The following SRRM4 variants were observed in gnomAD, a reference collection of about 807,000 sequenced individuals.
The protein encoded by SRRM4 is serine/arginine repetitive matrix protein 4.
In SRRM4, 33 loss-of-function variants were observed where a neutral mutation model predicts 68.9. That is an observed-to-expected ratio of 0.48 (90% CI 0.36 to 0.64). SRRM4 has a LOEUF of 0.64. Among genes scored for constraint, SRRM4 ranks in the 30% least tolerant of loss-of-function variants. SRRM4 has a pLI of 0.00. For missense variants in SRRM4, 817 were observed against 827.1 expected (o/e 0.99, Z 0.15); for synonymous variants, 318 against 318.8 (o/e 1.00, Z 0.03).
chr12:119,006,637 G>A (rs1032218705), intron 1 of SRRM4, among the ~76,000 whole-genome samples: 27 of 152,204 alleles, frequency 1.8e-4, no homozygotes, highest in African/African-American at 6.3e-4. Context: ...GGACACGGAG[G>A]ATTGCTGCTT....
chr12:119,120,629 G>T (rs951491580), intron 5 of SRRM4, among the ~76,000 whole-genome samples: 3 of 152,236 alleles, frequency 2.0e-5, no homozygotes, highest in Admixed American at 1.3e-4. Context: ...CAAGGAACAG[G>T]GCCAAGTCCT....
intron 9 of SRRM4, among the ~76,000 whole-genome samples, chr12:119,149,159 C>T (rs2136067624): frequency 6.6e-6 from 1 of 152,262 alleles, no homozygotes; most frequent in East Asian, 1.9e-4. Flanking sequence ...GCCATCCTGG[C>T]CAACATGGTG....
At chr12:118,982,074 A>G (rs1953251334) in intron 1 of SRRM4, 61 bp downstream of exon 1, 13 of 1,544,796 alleles carry the variant, frequency 8.4e-6, no homozygotes, top group African/African-American at 1.4e-5. Flanking sequence ...CCTGTGCCCC[A>G]GAGCCCGGAG....
At chr12:119,089,585 C>A (rs74465282) in intron 1 of SRRM4, among the ~76,000 whole-genome samples, 4,083 of 152,228 alleles carry the variant, frequency 0.027, 137 homozygotes, top group East Asian at 0.094. Flanking sequence ...AGGATGGAGC[C>A]TACGGAATAA....
chr12:119,028,198 C>A (rs1428386464), intron 1 of SRRM4, among the ~76,000 whole-genome samples: 1 of 152,104 alleles, frequency 6.6e-6, no homozygotes, highest in Non-Finnish European at 1.5e-5. Flanking sequence ...AGAGCCAATG[C>A]CTTAAAATAA....
At chr12:119,092,392 A>C (rs143938789) in intron 1 of SRRM4, among the ~76,000 whole-genome samples, 2 of 152,230 alleles carry the variant, frequency 1.3e-5, no homozygotes, top group African/African-American at 4.8e-5. Flanking sequence ...TGTCTAACTG[A>C]CATCTCAAAA....
rs1592887252 is a variant in SRRM4 at position 119,073,372 on chromosome 12, G to GAGTGC, written c.132-28854_132-28850dup. On this transcript the variant is annotated intron_variant, in intron 1 of 12. Transcript: ENST00000267260. ...GAGTCTCACTCTGTTGCCCAGGCTG[G>GAGTGC]AGTGCAGTGCAGTGGCAAGATCATG... Among the ~76,000 whole-genome samples the GAGTGC allele has an allele frequency of 2.7e-5, 4 of 148,298 alleles. No individual in the cohort carries two copies. The East Asian group carries it at 7.8e-4, about 29-fold the overall frequency.
At chr12:119,102,427 G>T (rs780216009) in intron 2 of SRRM4, 45 bp downstream of exon 2, 4 of 1,529,290 alleles carry the variant, frequency 2.6e-6, no homozygotes, top group Non-Finnish European at 3.5e-6. Context: ...CAGAAATAAA[G>T]TCTGCCTCTC....
At chr12:119,049,847 C>A (rs1339654525) in intron 1 of SRRM4, among the ~76,000 whole-genome samples, 1 of 152,144 alleles carries the variant, frequency 6.6e-6, no homozygotes, top group Non-Finnish European at 1.5e-5. Flanking sequence ...GTGTCCTAAC[C>A]TCCTACTGGA....
intron 9 of SRRM4, among the ~76,000 whole-genome samples, chr12:119,150,251 C>T (rs939409731): frequency 1.3e-5 from 2 of 152,196 alleles, no homozygotes; most frequent in African/African-American, 4.8e-5. Flanking sequence ...GCGGGTGGAT[C>T]ATTTGAGGTC....
At chr12:118,991,095 A>T (rs564505033) in intron 1 of SRRM4, among the ~76,000 whole-genome samples, 1 of 152,152 alleles carries the variant, frequency 6.6e-6, no homozygotes, top group Admixed American at 6.5e-5. Context: ...GTGAGCCACC[A>T]TGCCTGGACC....
chr12:119,107,021 G>T (rs892192547), intron 2 of SRRM4, among the ~76,000 whole-genome samples: 2 of 152,138 alleles, frequency 1.3e-5, no homozygotes, highest in East Asian at 1.9e-4. Flanking sequence ...TAGCATGAAG[G>T]GTGGTTGAAT....
Position 118,982,115 on chromosome 12 carries a change from C to T in SRRM4, c.131+102C>T, listed in dbSNP as rs1426213633. The T allele has an allele frequency of 4.9e-6, 7 of 1,421,086 alleles. No homozygotes were observed. In the Admixed American group the frequency reaches 7.6e-5, roughly 15 times the overall value. The allele number at this position is 1,421,086 out of a possible 1,614,324, so 88.0% of individuals were successfully genotyped here. A position where few individuals can be genotyped will look rare whatever the true frequency, so the allele number is the denominator to read the frequency against. Reference sequence around the variant, plus strand: ...GATGCAGGCAGCCGGGCCAGGGCGCCTGTCTTTTCCCGTCACTACTCGGCG... The same window carrying T: ...GATGCAGGCAGCCGGGCCAGGGCGCTTGTCTTTTCCCGTCACTACTCGGCG... On this transcript the variant is annotated intron_variant, in intron 1 of 12. Coordinates refer to ENST00000267260, the MANE Select transcript of SRRM4 (RefSeq NM_194286.4).
chr12:119,013,951 A>G (rs1953465601), intron 1 of SRRM4, among the ~76,000 whole-genome samples: 1 of 152,096 alleles, frequency 6.6e-6, no homozygotes, highest in Admixed American at 6.6e-5. Flanking sequence ...AACCCAGGGT[A>G]TAAGAATCAT....
At chr12:119,050,495 C>T (rs1953735748) in intron 1 of SRRM4, among the ~76,000 whole-genome samples, 1 of 152,184 alleles carries the variant, frequency 6.6e-6, no homozygotes, top group African/African-American at 2.4e-5. Context: ...TGAGGTAATA[C>T]GTGTGCTTTT....
chr12:119,109,126 C>A (rs1954126493), intron 2 of SRRM4, among the ~76,000 whole-genome samples: 1 of 152,112 alleles, frequency 6.6e-6, no homozygotes, highest in Non-Finnish European at 1.5e-5. Context: ...AAATTCTTTT[C>A]TTTAAGAATG....
chr12:119,075,830 A>T (rs1446531181), intron 1 of SRRM4, among the ~76,000 whole-genome samples: 2 of 93,962 alleles, frequency 2.1e-5, no homozygotes, highest in African/African-American at 6.9e-5. Flanking sequence ...GATGATGGTG[A>T]TGGTGATGAT....
intron 1 of SRRM4, among the ~76,000 whole-genome samples, chr12:119,073,576 C>T (rs1953890984): frequency 6.6e-6 from 1 of 152,076 alleles, no homozygotes; most frequent in Non-Finnish European, 1.5e-5. Context: ...CTACCCACCT[C>T]GGCTTCCCAA....
At position 119,079,819 on chromosome 12, in the gene SRRM4, G is replaced by A. The variant is rs536699254; in HGVS notation, c.132-22417G>A. Among the ~76,000 whole-genome samples, 9 of 152,010 alleles carry A rather than the reference G, an allele frequency of 5.9e-5. No homozygotes were observed. The South Asian group carries it at 1.9e-3, about 32-fold the overall frequency. ...CCTAGTCAATTACTAGTCAAGTGGGGTAATGTGCATTTCATTAGAAGCCTC... is the reference window on the plus strand; with the variant it reads ...CCTAGTCAATTACTAGTCAAGTGGGATAATGTGCATTTCATTAGAAGCCTC... On this transcript the variant is annotated intron_variant, in intron 1 of 12. Transcript: ENST00000267260.
Sources: gnomAD v4.1 joint callset for allele counts (sites outside exome capture counted in the v4.1 genomes callset) on GRCh38, gnomAD v4.1.1 for gene constraint, MANE v1.5 for transcripts, NCBI Gene and HGNC (gene_info 2026-07-23, HGNC 2026-07-21) for gene names.